The following GRIN2A variants were observed in gnomAD, a reference collection of about 807,000 sequenced individuals.
GRIN2A encodes glutamate receptor ionotropic, NMDA 2A.
Under a neutral mutation model 113.4 loss-of-function variants are expected in GRIN2A, and 22 were observed. That is an observed-to-expected ratio of 0.19 (90% confidence interval 0.14 to 0.28). The LOEUF is 0.28. Among genes scored for constraint, GRIN2A ranks in the 10% least tolerant of loss-of-function variants. The probability of loss-of-function intolerance (pLI) is 1.00; values close to 1 mark genes in which losing one functional copy is unlikely to be tolerated. For missense variants in GRIN2A, 1,502 were observed against 1,887.0 expected, an observed-to-expected ratio of 0.80 and a Z score of 3.78; for synonymous variants, 827 against 738.4, an observed-to-expected ratio of 1.12 and a Z score of -1.94.
intron 2 of GRIN2A, among the ~76,000 whole-genome samples, chr16:10,004,169 T>A (rs532857613): frequency 6.6e-6 from 1 of 151,942 alleles, no homozygotes; most frequent in African/African-American, 2.4e-5. Flanking sequence ...GGCGGGCACA[T>A]CACGAAGTCA....
intron 2 of GRIN2A, among the ~76,000 whole-genome samples, chr16:10,076,793 C>A (rs1220698575): frequency 6.6e-6 from 1 of 152,218 alleles, no homozygotes; most frequent in African/African-American, 2.4e-5. Context: ...CAGACTCAAA[C>A]ATCAAAGTCT....
At chr16:10,002,069 C>G (rs375975869) in intron 2 of GRIN2A, among the ~76,000 whole-genome samples, 2 of 152,172 alleles carry the variant, frequency 1.3e-5, no homozygotes, top group African/African-American at 4.8e-5. Flanking sequence ...AGAGAAAAAG[C>G]TATAGAAACT....
At chr16:9,874,755 G>T (rs757255971) in intron 4 of GRIN2A, among the ~76,000 whole-genome samples, 10 of 151,998 alleles carry the variant, frequency 6.6e-5, no homozygotes, top group Non-Finnish European at 7.4e-5. Flanking sequence ...TGGAGGGAGG[G>T]GGCAGGAGTG....
intron 2 of GRIN2A, among the ~76,000 whole-genome samples, chr16:9,991,784 G>A (rs2046118428): frequency 6.6e-6 from 1 of 152,070 alleles, no homozygotes; most frequent in Non-Finnish European, 1.5e-5. Flanking sequence ...ATCATTCTCA[G>A]CAAACTAACA....
chr16:10,113,022 G>C (rs1213831710), intron 2 of GRIN2A: 1 of 297,630 alleles, frequency 3.4e-6, no homozygotes, highest in African/African-American at 2.2e-5. Flanking sequence ...GAGGAGGAGA[G>C]GTCCTGAAGG....
chr16:9,800,321 G>A lies in GRIN2A; in HGVS notation c.2169-1857C>T, dbSNP rs144851028. Among the ~76,000 whole-genome samples the A allele has an allele frequency of 4.2e-4, 64 of 152,202 alleles. 1 individual carries two copies. The highest frequency in any genetic ancestry group is 1.3e-3 in the African/African-American group (54 of 41,530). ...TTTCCAAATGTTAAAGTTATTTAACGAGGCTGAAATGATCACTGTGGAATG... is the reference window on the plus strand; with the variant it reads ...TTTCCAAATGTTAAAGTTATTTAACAAGGCTGAAATGATCACTGTGGAATG... On this transcript the variant is annotated intron_variant, in intron 10 of 12. Coordinates refer to ENST00000330684, the MANE Select transcript of GRIN2A (RefSeq NM_001134407.3).
intron 2 of GRIN2A, among the ~76,000 whole-genome samples, chr16:10,030,394 A>C (rs2046906770): frequency 6.6e-6 from 1 of 152,106 alleles, no homozygotes; most frequent in Non-Finnish European, 1.5e-5. Flanking sequence ...TCCTTGGAAG[A>C]CACCAAAGGC....
intron 2 of GRIN2A, among the ~76,000 whole-genome samples, chr16:10,152,624 A>C (rs6497732): frequency 4.0e-5 from 6 of 151,894 alleles, no homozygotes; most frequent in Non-Finnish European, 8.8e-5. Flanking sequence ...ATTGCCTTTA[A>C]TGATAAACCC....
intron 2 of GRIN2A, among the ~76,000 whole-genome samples, chr16:9,996,622 C>T (rs965622364): frequency 1.3e-5 from 2 of 152,164 alleles, no homozygotes; most frequent in African/African-American, 4.8e-5. Flanking sequence ...CATAATTTCC[C>T]TTGTCAGGAT....
intron 3 of GRIN2A, among the ~76,000 whole-genome samples, chr16:9,898,053 C>CTTTTTTTTTTTTTTTTTTTTTTTT (rs2043841418): frequency 1.2e-5 from 1 of 85,192 alleles, no homozygotes; most frequent in African/African-American, 3.6e-5. Context: ...GCCTCCATTT[C>CTTTTTTTTTTTTTTTTTTTTTTTT]CTTTTTTTTT....
intron 2 of GRIN2A, chr16:10,112,599 C>G: frequency 1.3e-6 from 1 of 770,610 alleles, no homozygotes; most frequent in Non-Finnish European, 2.4e-6. Context: ...CAGGGTGCAG[C>G]TCAAGAAGTA....
At chr16:9,926,985 C>T (rs1010961127) in intron 3 of GRIN2A, among the ~76,000 whole-genome samples, 3 of 151,290 alleles carry the variant, frequency 2.0e-5, no homozygotes, top group African/African-American at 4.9e-5. Context: ...AAAGTCGTAA[C>T]GTGGGGTTTG....
Position 9,768,899 on chromosome 16 carries a change from G to A in GRIN2A, c.2547C>T (p.Phe849=), listed in dbSNP as rs758351955. ...CAGGCCGGTCGGAGCACACGCCCGT[G>A]AAACAGAAGCGCAGCTTCCAGTAGA... ...HLFYWKLRFC[F]TGVCSDRPGL... Residue 849 remains phenylalanine, a synonymous_variant, in exon 12 of 13, where the codon TTC becomes TTT. Coordinates refer to ENST00000330684, the MANE Select transcript of GRIN2A (RefSeq NM_001134407.3). 1.2e-6 allele frequency: 2 copies of A among 1,614,218 alleles called. No individual in the cohort carries two copies. Among genetic ancestry groups the A allele is most frequent in the Non-Finnish European group, 1.7e-6 (2 of 1,180,016 alleles).
intron 2 of GRIN2A, among the ~76,000 whole-genome samples, chr16:10,172,222 T>C (rs1018271138): frequency 6.6e-6 from 1 of 152,222 alleles, no homozygotes; most frequent in Admixed American, 6.5e-5. Flanking sequence ...TTTTTGAAAA[T>C]TGAATTTCAT....
At chr16:10,030,655 T>C (rs1266784911) in intron 2 of GRIN2A, among the ~76,000 whole-genome samples, 2 of 152,220 alleles carry the variant, frequency 1.3e-5, no homozygotes, top group Non-Finnish European at 2.9e-5. Context: ...GTTTTTTACA[T>C]TGATGAGTTA....
intron 2 of GRIN2A, among the ~76,000 whole-genome samples, chr16:10,140,571 C>T (rs1460650267): frequency 1.3e-5 from 2 of 152,158 alleles, no homozygotes; most frequent in Non-Finnish European, 2.9e-5. Context: ...TTTCTTCTGG[C>T]ACTTTTGGGG....
chr16:10,077,042 T>C (rs759548952), intron 2 of GRIN2A, among the ~76,000 whole-genome samples: 1 of 152,170 alleles, frequency 6.6e-6, no homozygotes, highest in Non-Finnish European at 1.5e-5. Context: ...TAGAAAGAGA[T>C]GTGACTTCAG....
At chr16:9,804,163 G>C (rs911504874) in intron 10 of GRIN2A, among the ~76,000 whole-genome samples, 1 of 152,104 alleles carries the variant, frequency 6.6e-6, no homozygotes, top group Non-Finnish European at 1.5e-5. Context: ...GAGAAAAAAG[G>C]CCACCTGAAA....
intron 2 of GRIN2A, among the ~76,000 whole-genome samples, chr16:10,174,839 G>GC (rs2050111791): frequency 1.5e-5 from 2 of 130,886 alleles, no homozygotes; most frequent in South Asian, 5.3e-4. Flanking sequence ...ACAGAGAACT[G>GC]GAAAAAAAAA....
Sources: gnomAD v4.1 joint callset for allele counts (sites outside exome capture counted in the v4.1 genomes callset) on GRCh38, gnomAD v4.1.1 for gene constraint, MANE v1.5 for transcripts, NCBI Gene and HGNC (gene_info 2026-07-23, HGNC 2026-07-21) for gene names.